Variants in RAI14 observed in about 807,000 individuals in gnomAD.
RAI14 encodes the protein ankycorbin.
A neutral mutation model predicts 115.4 loss-of-function variants in RAI14; 45 were observed. That is an observed-to-expected ratio of 0.39 (90% CI 0.31 to 0.50). The LOEUF is 0.50. Among genes scored for constraint, RAI14 ranks in the 20% least tolerant of loss-of-function variants. RAI14 has a pLI of 0.85. For missense variants in RAI14, 939 were observed against 1,131.2 expected (o/e 0.83, Z 2.44); for synonymous variants, 371 against 415.4 (o/e 0.89, Z 1.30).
chr5:34,826,378 A>T lies in RAI14; in HGVS notation c.2698A>T (p.Ser900Cys). 6.2e-7 allele frequency: 1 copy of T among 1,614,138 alleles called. No homozygotes were observed. The highest frequency in any genetic ancestry group is 1.1e-5 in the South Asian group (1 of 91,070). Residue 900 changes from serine (S) to cysteine (C), a missense_variant, in exon 16 of 18, where the codon AGC (serine) becomes TGC (cysteine). By Grantham distance (112) the Ser-to-Cys change is moderately radical (BLOSUM62 -1). Coordinates refer to ENST00000265109, the MANE Select transcript of RAI14 (RefSeq NM_015577.3). ...CACCAAATTGAAGGAGGCCTTGAAC[A>T]GCCTCTCCCAGCTCTCCTACTCAAC... ...EVTKLKEALNSLSQLSYSTSS... is the reference protein window; with the variant it reads ...EVTKLKEALNCLSQLSYSTSS...
Position 34,808,586 on chromosome 5 carries a change from G to A in RAI14, c.382G>A (p.Ala128Thr). 2 of 1,614,072 alleles carry A rather than the reference G, an allele frequency of 1.2e-6. No homozygotes were observed. Among genetic ancestry groups the A allele is most frequent in the Non-Finnish European group, 1.7e-6 (2 of 1,179,978 alleles). ...SGKTALHYAA[A>T]QGCLQAVQIL... ...TATTTATATTTTCCTTCCCCCAGCGGCTCAGGGCTGCCTTCAAGCTGTGCA... is the reference window on the plus strand; with the variant it reads ...TATTTATATTTTCCTTCCCCCAGCGACTCAGGGCTGCCTTCAAGCTGTGCA... The change falls in exon 7 of 18, where the codon GCT (alanine) becomes ACT (threonine). Residue 128 changes from alanine to threonine, a missense_variant and splice_region_variant. Ala to Thr is a moderately conservative substitution (Grantham distance 58). Coordinates refer to ENST00000265109, the MANE Select transcript of RAI14 (RefSeq NM_015577.3).
chr5:34,713,691 G>A (rs968857780), intron 2 of RAI14, among the ~76,000 whole-genome samples: 2 of 148,276 alleles, frequency 1.3e-5, no homozygotes, highest in Non-Finnish European at 3.0e-5. Flanking sequence ...GTGAGCCGCC[G>A]TACTTGGCTG....
intron 3 of RAI14, among the ~76,000 whole-genome samples, chr5:34,787,148 G>A (rs1752398271): frequency 6.6e-6 from 1 of 152,176 alleles, no homozygotes; most frequent in African/African-American, 2.4e-5. Flanking sequence ...TGGCCATCAC[G>A]AACATGTCAC....
At chr5:34,702,202 A>C (rs1208864442) in intron 2 of RAI14, among the ~76,000 whole-genome samples, 1 of 152,164 alleles carries the variant, frequency 6.6e-6, no homozygotes, top group Non-Finnish European at 1.5e-5. Flanking sequence ...TGTCAGAAAG[A>C]CTCTAGACAA....
At chr5:34,774,285 C>T (rs966273304) in intron 3 of RAI14, among the ~76,000 whole-genome samples, 3 of 152,140 alleles carry the variant, frequency 2.0e-5, no homozygotes, top group East Asian at 1.9e-4. Flanking sequence ...GAAGGAGAAT[C>T]TCTTGAACCC....
At chr5:34,704,103 T>A (rs1222740708) in intron 2 of RAI14, among the ~76,000 whole-genome samples, 1 of 152,198 alleles carries the variant, frequency 6.6e-6, no homozygotes, top group African/African-American at 2.4e-5. Context: ...CCTTAGGGGA[T>A]TCTGATGCAA....
rs1175920918 is a variant in RAI14, at chr5:34,767,576, G to T, written c.167+9978G>T. ...AGTTCCTGCCTTCCAAGATGCTGTCGCTGCCACCGCCACCGCCCCCACCAC... is the reference window on the plus strand; with the variant it reads ...AGTTCCTGCCTTCCAAGATGCTGTCTCTGCCACCGCCACCGCCCCCACCAC... On this transcript the variant is annotated intron_variant, in intron 3 of 17. Transcript: ENST00000265109. Among the ~76,000 whole-genome samples the T allele has an allele frequency of 2.7e-5, 4 of 150,702 alleles. No homozygotes were observed. In the South Asian group the frequency reaches 6.4e-4, roughly 24 times the overall value.
At chr5:34,707,192 C>T (rs6892244) in intron 2 of RAI14, among the ~76,000 whole-genome samples, 1 of 152,030 alleles carries the variant, frequency 6.6e-6, no homozygotes, top group African/African-American at 2.4e-5. Context: ...CTTGGCTGGG[C>T]ACGGTGGCTC....
At chr5:34,808,468 G>A in intron 6 of RAI14, 116 bp from the exon 7 acceptor site, 1 of 891,992 alleles carries the variant, frequency 1.1e-6, no homozygotes, top group Non-Finnish European at 1.8e-6. Flanking sequence ...AATGCAACTA[G>A]AGTGAATATA....
rs574189807 is a variant in RAI14, at chr5:34,791,720, G to T, written c.168-4219G>T. Among the ~76,000 whole-genome samples the T allele has an allele frequency of 6.6e-6, 1 of 152,190 alleles. No individual in the cohort carries two copies. The highest frequency in any genetic ancestry group is 1.5e-5 in the Non-Finnish European group (1 of 68,030). On this transcript the variant is annotated intron_variant, in intron 3 of 17. Transcript: ENST00000265109. This position sits in a 1 kb window ranked among gnomAD's most constrained non-coding sequence, Gnocchi z 5.4. ...GGCCAGATTAGGGGAAACCAGTAAG[G>T]TTGGGAATGCCGCCCAGGATTCTAA...
At chr5:34,696,221 C>A (rs1255805645) in intron 2 of RAI14, among the ~76,000 whole-genome samples, 2 of 152,234 alleles carry the variant, frequency 1.3e-5, no homozygotes, top group South Asian at 4.1e-4. Flanking sequence ...TCACTGCAAC[C>A]TCCGCCTCCC....
intron 3 of RAI14, among the ~76,000 whole-genome samples, chr5:34,774,956 CA>C (rs1395854816): frequency 6.6e-6 from 1 of 151,992 alleles, no homozygotes; most frequent in Non-Finnish European, 1.5e-5. Context: ...AACCCAGAAA[CA>C]AATCCATACA....
chr5:34,698,059 C>A, intron 2 of RAI14, among the ~76,000 whole-genome samples: 1 of 106,740 alleles, frequency 9.4e-6, no homozygotes, highest in Non-Finnish European at 1.9e-5. Context: ...CCCCACCCCT[C>A]CCCTTTCTCC....
At chr5:34,793,019 G>A (rs1015611704) in intron 3 of RAI14, among the ~76,000 whole-genome samples, 5 of 152,092 alleles carry the variant, frequency 3.3e-5, no homozygotes, top group South Asian at 2.1e-4. Context: ...AAAATCTCTC[G>A]CTATCACACG....
chr5:34,831,796 G>A lies in RAI14; in HGVS notation c.*1031G>A, dbSNP rs1166182803. Reference sequence around the variant, plus strand: ...GTTATGTATGCCAGACCTAATATGAGCTGCCACCAACACCCCTAGAACTTT... The same window carrying A: ...GTTATGTATGCCAGACCTAATATGAACTGCCACCAACACCCCTAGAACTTT... On this transcript the variant is annotated 3_prime_UTR_variant, in exon 18 of 18. Transcript: ENST00000265109. The A allele has an allele frequency of 6.6e-6, 1 of 152,100 alleles. No homozygotes were observed. Among genetic ancestry groups the A allele is most frequent in the Non-Finnish European group, 1.5e-5 (1 of 68,016 alleles). The allele number at this position is 152,100 out of a possible 1,614,324, so 9.4% of individuals were successfully genotyped here. A position where few individuals can be genotyped will look rare whatever the true frequency, so the allele number is the denominator to read the frequency against.
At chr5:34,687,461 G>A (rs1018739515) in intron 2 of RAI14, 9 of 951,550 alleles carry the variant, frequency 9.5e-6, no homozygotes, top group Admixed American at 3.7e-5. Context: ...CCAGGGACTC[G>A]TACTCATTTG....
rs1488489405 is a variant in RAI14 at position 34,754,094 on chromosome 5, A to AG, written c.37-3374_37-3373insG. ...AGACTCCATCTCAAAAGAAAGAAAAAAAAAAGAGTATGGCACTGGATAGAA... is the reference window on the plus strand; with the variant it reads ...AGACTCCATCTCAAAAGAAAGAAAAAGAAAAAGAGTATGGCACTGGATAGAA... On this transcript the variant is annotated intron_variant, in intron 2 of 17. Coordinates refer to ENST00000265109, the MANE Select transcript of RAI14 (RefSeq NM_015577.3). 7.9e-5 allele frequency among the ~76,000 whole-genome samples: 12 copies of AG among 151,636 alleles called. 1 individual carries two copies. Among genetic ancestry groups the AG allele is most frequent in the Admixed American group, 7.2e-4 (11 of 15,232 alleles).
chr5:34,752,762 T>TAC (rs1747278417), intron 2 of RAI14, among the ~76,000 whole-genome samples: 1 of 141,892 alleles, frequency 7.0e-6, no homozygotes, highest in African/African-American at 2.7e-5. Context: ...TATATATATA[T>TAC]ATATGTATCT....
intron 1 of RAI14, among the ~76,000 whole-genome samples, chr5:34,678,998 C>T (rs1438195961): frequency 6.6e-6 from 1 of 152,230 alleles, no homozygotes; most frequent in Non-Finnish European, 1.5e-5. Context: ...GATAACAACA[C>T]AACAGCAAGC....
Sources: allele counts gnomAD v4.1 joint callset (sites outside exome capture counted in the v4.1 genomes callset), GRCh38; gene constraint gnomAD v4.1.1; non-coding constraint Gnocchi (gnomAD v3.1); transcripts MANE v1.5; gene names NCBI Gene and HGNC (gene_info 2026-07-23, HGNC 2026-07-21).